Variants in KCNG3 observed in about 807,000 individuals in gnomAD.
KCNG3 encodes voltage-gated potassium channel regulatory subunit KCNG3.
KCNG3 carries 15 observed loss-of-function variants against 29.0 expected under a neutral mutation model. The ratio of observed to expected loss-of-function variants is 0.52; its 90% CI spans 0.35 to 0.80. The LOEUF is 0.80. KCNG3 is among the 30% of genes least tolerant of loss of function. The pLI is 0.01. For missense variants in KCNG3, 512 were observed against 605.7 expected, an observed-to-expected ratio of 0.85 and a Z score of 1.62; for synonymous variants, 322 against 248.9, an observed-to-expected ratio of 1.29 and a Z score of -2.76.
chr2:42,454,086 A>T (rs1484678732), intron 1 of KCNG3, among the ~76,000 whole-genome samples: 1 of 99,176 alleles, frequency 1.0e-5, no homozygotes, highest in African/African-American at 4.9e-5. Flanking sequence ...GAGGATGGCT[A>T]CTATACCAAA....
chr2:42,484,009 C>T (rs551436983), intron 1 of KCNG3, among the ~76,000 whole-genome samples: 243 of 152,284 alleles, frequency 1.6e-3, no homozygotes, highest in Non-Finnish European at 2.7e-3. Context: ...TCTCGAACTC[C>T]TGAGCTCAAG....
the KCNG3 span, among the ~76,000 whole-genome samples, chr2:42,421,029 G>A: frequency 2.0e-5 from 3 of 152,098 alleles, no homozygotes; most frequent in African/African-American, 7.2e-5. Flanking sequence ...ACCATAAAAC[G>A]CTACCACACA....
intron 1 of KCNG3, among the ~76,000 whole-genome samples, chr2:42,471,990 G>T (rs1355332211): frequency 6.6e-6 from 1 of 151,988 alleles, no homozygotes; most frequent in Non-Finnish European, 1.5e-5. Context: ...GAAATGGCAA[G>T]GATATTGAAC....
chr2:42,409,213 C>T, the KCNG3 span, among the ~76,000 whole-genome samples: 45 of 152,074 alleles, frequency 3.0e-4, no homozygotes, highest in African/African-American at 1.0e-3. Flanking sequence ...TCCAGCGGGC[C>T]CGAGCAAAAC....
At chr2:42,435,749 G>T in the KCNG3 span, among the ~76,000 whole-genome samples, 1 of 152,208 alleles carries the variant, frequency 6.6e-6, no homozygotes, top group Non-Finnish European at 1.5e-5. Context: ...AATGACAAGA[G>T]TTGGGGAGGA....
chr2:42,491,187 C>T (rs1347348493), intron 1 of KCNG3, among the ~76,000 whole-genome samples: 1 of 152,040 alleles, frequency 6.6e-6, no homozygotes, highest in Non-Finnish European at 1.5e-5. Flanking sequence ...TCTGTCTTCC[C>T]TTTTTTGTTT....
chr2:42,409,699 C>CAA, the KCNG3 span, among the ~76,000 whole-genome samples: 3,306 of 51,490 alleles, frequency 0.064, 138 homozygotes, highest in Non-Finnish European at 0.095. Context: ...GTGCCTGTCT[C>CAA]AAAAAAAAAA....
Position 42,444,636 on chromosome 2 carries a change from C to A in KCNG3, c.666-57G>T. The A allele has an allele frequency of 1.4e-6, 2 of 1,464,198 alleles. No homozygotes were observed. The highest frequency in any genetic ancestry group is 1.3e-5 in the South Asian group (1 of 76,294). 90.7% of individuals were successfully genotyped at this position (1,464,198 alleles called of 1,614,324 possible). On this transcript the variant is annotated intron_variant, in intron 1 of 1. Coordinates refer to ENST00000306078, the MANE Select transcript of KCNG3 (RefSeq NM_133329.6). The surrounding 1 kb of genome is among the most constrained non-coding windows in gnomAD (Gnocchi z 5.8). ...TTTATTTTTAAGCATTTTAATAGCT[C>A]TTAGATTTCTTCAGATAGTACTACA... is the stretch of plus-strand genomic sequence containing the variant.
At chr2:42,427,407 C>T in the KCNG3 span, among the ~76,000 whole-genome samples, 1 of 151,852 alleles carries the variant, frequency 6.6e-6, no homozygotes, top group Non-Finnish European at 1.5e-5. Context: ...GAGTTTGAGA[C>T]CACCCTGGGC....
chr2:42,488,350 T>C (rs1034199061), intron 1 of KCNG3, among the ~76,000 whole-genome samples: 2 of 152,156 alleles, frequency 1.3e-5, no homozygotes. Context: ...TACCATTAAG[T>C]ACTTGATAAA....
intron 1 of KCNG3, among the ~76,000 whole-genome samples, chr2:42,467,260 C>G (rs1292555455): frequency 6.6e-6 from 1 of 152,082 alleles, no homozygotes; most frequent in Non-Finnish European, 1.5e-5. Flanking sequence ...AAGATGCATA[C>G]CGGGTCCAGA....
At chr2:42,408,246 C>T in the KCNG3 span, among the ~76,000 whole-genome samples, 35 of 152,254 alleles carry the variant, frequency 2.3e-4, no homozygotes, top group Admixed American at 5.9e-4. Context: ...CGTAAGAGGG[C>T]GAGTCCCCGG....
chr2:42,488,780 C>T (rs1303425005), intron 1 of KCNG3, among the ~76,000 whole-genome samples: 1 of 152,066 alleles, frequency 6.6e-6, no homozygotes, highest in Admixed American at 6.6e-5. Flanking sequence ...GAACTCCTGA[C>T]CTCAGGTGAT....
chr2:42,445,414 G>A (rs1672574068), intron 1 of KCNG3, among the ~76,000 whole-genome samples: 1 of 152,076 alleles, frequency 6.6e-6, no homozygotes. Flanking sequence ...TTCCCAATAG[G>A]CTTGTATGGG....
chr2:42,398,332 C>T, the KCNG3 span, among the ~76,000 whole-genome samples: 1 of 151,886 alleles, frequency 6.6e-6, no homozygotes, highest in South Asian at 2.1e-4. Flanking sequence ...GTGCTTTTTG[C>T]CATGGTTGCT....
At position 42,443,223 on chromosome 2, in the gene KCNG3, G is replaced by A. The variant is rs572629619; in HGVS notation, c.*711C>T. On this transcript the variant is annotated 3_prime_UTR_variant, in exon 2 of 2. Transcript: ENST00000306078. ...TCCAGTAAGATGCTAAACAACACAA[G>A]CTCTCGTCAATTCTTAAATACCTTT... 6.6e-6 allele frequency: 1 copy of A among 152,266 alleles called. No individual in the cohort carries two copies. The highest frequency in any genetic ancestry group is 2.4e-5 in the African/African-American group (1 of 41,538). The allele number at this position is 152,266 out of a possible 1,614,324, so 9.4% of individuals were successfully genotyped here. A position where few individuals can be genotyped will look rare whatever the true frequency, so the allele number is the denominator to read the frequency against.
chr2:42,479,020 G>A (rs1185210479), intron 1 of KCNG3, among the ~76,000 whole-genome samples: 2 of 146,606 alleles, frequency 1.4e-5, no homozygotes, highest in East Asian at 2.0e-4. Context: ...TCCCAAATTC[G>A]AAATCCAAAA....
the KCNG3 span, among the ~76,000 whole-genome samples, chr2:42,398,224 AAAATAAATAAATAAAT>A: frequency 2.6e-4 from 37 of 141,450 alleles, no homozygotes; most frequent in Admixed American, 9.6e-4. Flanking sequence ...CTCTGTCTCA[AAAATAAATAAATAAAT>A]AAATAAATAA....
chr2:42,390,066 A>G, the KCNG3 span, among the ~76,000 whole-genome samples: 1 of 152,190 alleles, frequency 6.6e-6, no homozygotes, highest in East Asian at 1.9e-4. Context: ...AAGGCTCTCT[A>G]TGTGGGAAAG....
Sources: allele counts gnomAD v4.1 joint callset (sites outside exome capture counted in the v4.1 genomes callset), GRCh38; gene constraint gnomAD v4.1.1; non-coding constraint Gnocchi (gnomAD v3.1); transcripts MANE v1.5; gene names NCBI Gene and HGNC (gene_info 2026-07-23, HGNC 2026-07-21).